The following SLC25A26 variants were observed in gnomAD, a reference collection of about 807,000 sequenced individuals.
The protein encoded by SLC25A26 is mitochondrial S-adenosylmethionine carrier protein.
SLC25A26 carries 36 observed loss-of-function variants against 37.8 expected under a neutral mutation model. The ratio of observed to expected loss-of-function variants is 0.95; its 90% CI spans 0.73 to 1.26. The LOEUF is 1.26. Among genes scored for constraint, SLC25A26 ranks in the 50% most tolerant of loss-of-function variants. The pLI, the probability that SLC25A26 is intolerant of heterozygous loss-of-function variation, is 0.00. For missense variants in SLC25A26, 390 were observed against 331.1 expected (o/e 1.18, Z -1.38); for synonymous variants, 129 against 122.5 (o/e 1.05, Z -0.35).
chr3:66,141,838 G>A (rs1333666271), intron 1 of SLC25A26, among the ~76,000 whole-genome samples: 2 of 152,240 alleles, frequency 1.3e-5, no homozygotes, highest in African/African-American at 4.8e-5. Context: ...TCTTCCTGCA[G>A]ACTCAAAGCT....
intron 1 of SLC25A26, among the ~76,000 whole-genome samples, chr3:66,204,341 G>C (rs1385907119): frequency 6.9e-6 from 1 of 145,666 alleles, no homozygotes; most frequent in Non-Finnish European, 1.5e-5. Context: ...CAGGAGAATG[G>C]AGTGAACCCG....
intron 5 of SLC25A26, among the ~76,000 whole-genome samples, chr3:66,321,042 C>T (rs1037379654): frequency 2.6e-5 from 4 of 151,972 alleles, no homozygotes; most frequent in African/African-American, 9.7e-5. Context: ...GTGGAGGCCC[C>T]ATGATGGGAT....
At chr3:66,313,982 C>T (rs752332434) in intron 5 of SLC25A26, among the ~76,000 whole-genome samples, 1 of 152,080 alleles carries the variant, frequency 6.6e-6, no homozygotes, top group Non-Finnish European at 1.5e-5. Context: ...TATCCTGAGA[C>T]GTTGCTGAAA....
Position 66,378,788 on chromosome 3 carries a change from C to G in SLC25A26, c.*981C>G, listed in dbSNP as rs900039308. The G allele has an allele frequency of 3.3e-5, 5 of 152,604 alleles. No individual in the cohort carries two copies. The highest frequency in any genetic ancestry group is 3.3e-4 in the Admixed American group (5 of 15,292). The allele number at this position is 152,604 out of a possible 1,614,324, so 9.5% of individuals were successfully genotyped here. ...ACTGCGTTTGTAAAAGAAGGACCAC[C>G]AACTATACTGACATTTATAAATGAA... On this transcript the variant is annotated 3_prime_UTR_variant, in exon 10 of 10. Coordinates refer to ENST00000354883, the MANE Select transcript of SLC25A26 (RefSeq NM_001379210.1).
rs1401739302 is a variant in SLC25A26, at chr3:66,378,630, G to C, written c.*823G>C. The C allele has an allele frequency of 1.3e-5, 2 of 152,402 alleles. No homozygotes were observed. The highest frequency in any genetic ancestry group is 2.9e-5 in the Non-Finnish European group (2 of 68,042). The allele number at this position is 152,402 out of a possible 1,614,324, so 9.4% of individuals were successfully genotyped here. On this transcript the variant is annotated 3_prime_UTR_variant, in exon 10 of 10. Transcript: ENST00000354883. The stretch of plus-strand genomic sequence containing the variant: ...TTTAGACCTTGACTAACAAGCTCCA[G>C]GTGTAGAAAAATTCAAAACAAAATG...
chr3:66,151,557 T>G (rs188190529), intron 1 of SLC25A26, among the ~76,000 whole-genome samples: 15 of 152,256 alleles, frequency 9.9e-5, no homozygotes, highest in African/African-American at 3.6e-4. Context: ...AAGCTCATCA[T>G]GAAGTTCCAT....
rs2071084622 is a variant in SLC25A26, at chr3:66,199,549, A to G, written c.-353-21193A>G. On this transcript the variant is annotated intron_variant, in intron 1 of 10. Transcript: ENST00000676754. ...GACCCTGTCCCTGGCACTGACAACT[A>G]TACTAAAACTGACCCTGAAATGTAC... is the stretch of plus-strand genomic sequence containing the variant. Among the ~76,000 whole-genome samples the G allele has an allele frequency of 2.0e-5, 3 of 152,158 alleles. No individual in the cohort carries two copies. The South Asian group carries it at 6.2e-4, about 32-fold the overall frequency.
chr3:66,149,541 A>G (rs2070169715), intron 1 of SLC25A26, among the ~76,000 whole-genome samples: 1 of 152,206 alleles, frequency 6.6e-6, no homozygotes, highest in East Asian at 1.9e-4. Context: ...TGAGGGTAAT[A>G]GCAGTTAGAG....
intron 5 of SLC25A26, among the ~76,000 whole-genome samples, chr3:66,309,544 T>C (rs1470489595): frequency 6.6e-6 from 1 of 152,212 alleles, no homozygotes; most frequent in Non-Finnish European, 1.5e-5. Context: ...TGTCTTCTGC[T>C]AGCTTTCGAA....
At chr3:66,328,482 A>T (rs77557912) in intron 5 of SLC25A26, among the ~76,000 whole-genome samples, 7,169 of 152,238 alleles carry the variant, frequency 0.047, 225 homozygotes, top group South Asian at 0.075. Context: ...ACATATTTTT[A>T]AATGGTTTAT....
At chr3:66,240,355 C>A (rs557193355) in intron 2 of SLC25A26, among the ~76,000 whole-genome samples, 1 of 151,894 alleles carries the variant, frequency 6.6e-6, no homozygotes, top group East Asian at 1.9e-4. Flanking sequence ...AGTGGCATGA[C>A]GTTGGCCCAC....
chr3:66,238,582 C>G (rs980625266), intron 2 of SLC25A26, among the ~76,000 whole-genome samples: 2 of 152,026 alleles, frequency 1.3e-5, no homozygotes, highest in African/African-American at 4.8e-5. Flanking sequence ...GGGGTTTCAC[C>G]ATGTTATCCC....
chr3:66,290,196 A>G (rs2074657075), intron 5 of SLC25A26, among the ~76,000 whole-genome samples: 1 of 152,196 alleles, frequency 6.6e-6, no homozygotes, highest in Non-Finnish European at 1.5e-5. Context: ...GTTGCTTATC[A>G]GCTTAAGGAG....
intron 5 of SLC25A26, among the ~76,000 whole-genome samples, chr3:66,297,839 C>T (rs933855201): frequency 1.3e-5 from 2 of 152,208 alleles, no homozygotes; most frequent in African/African-American, 4.8e-5. Flanking sequence ...ACTAGATCAT[C>T]TTTGAGGGCT....
At chr3:66,340,252 C>G (rs2076179253) in intron 5 of SLC25A26, among the ~76,000 whole-genome samples, 1 of 152,010 alleles carries the variant, frequency 6.6e-6, no homozygotes, top group African/African-American at 2.4e-5. Context: ...TTCATTGTAG[C>G]TACTTTTGAA....
chr3:66,332,087 A>G (rs2075989584), intron 5 of SLC25A26, among the ~76,000 whole-genome samples: 1 of 152,008 alleles, frequency 6.6e-6, no homozygotes, highest in Admixed American at 6.6e-5. Flanking sequence ...GCGCGACACC[A>G]AAAATTAGCC....
At chr3:66,224,995 GA>G (rs2071673911) in intron 1 of SLC25A26, among the ~76,000 whole-genome samples, 1 of 152,138 alleles carries the variant, frequency 6.6e-6, no homozygotes. Flanking sequence ...GGCTTTGTGG[GA>G]TACAGCTCCC....
chr3:66,184,704 C>G, intron 1 of SLC25A26, among the ~76,000 whole-genome samples: 1 of 82,722 alleles, frequency 1.2e-5, no homozygotes, highest in Non-Finnish European at 2.4e-5. Flanking sequence ...CTCCCTCTTG[C>G]TCTCATCTTG....
At chr3:66,148,133 C>G (rs2070147168) in intron 1 of SLC25A26, among the ~76,000 whole-genome samples, 1 of 152,142 alleles carries the variant, frequency 6.6e-6, no homozygotes, top group East Asian at 1.9e-4. Context: ...TTCCATTTCT[C>G]TGATGATTAA....
Sources: allele counts gnomAD v4.1 joint callset (sites outside exome capture counted in the v4.1 genomes callset), GRCh38; gene constraint gnomAD v4.1.1; transcripts MANE v1.5; gene names NCBI Gene and HGNC (gene_info 2026-07-23, HGNC 2026-07-21).